SHANK2: variants seen among roughly 807,000 people sequenced by gnomAD.
SHANK2 encodes the protein SH3 and multiple ankyrin repeat domains 2, also known as SH3 and multiple ankyrin repeat domains protein 2.
SHANK2 carries 43 observed loss-of-function variants against 133.7 expected under a neutral mutation model. That is an observed-to-expected ratio of 0.32 (90% confidence interval 0.25 to 0.41). SHANK2 has a LOEUF of 0.41. Ranked by LOEUF, SHANK2 falls within the 10% of genes least tolerant of loss-of-function variation. The probability of loss-of-function intolerance (pLI) is 1.00; values close to 1 mark genes in which losing one functional copy is unlikely to be tolerated. For missense variants in SHANK2, 1,994 were observed against 2,235.8 expected, an observed-to-expected ratio of 0.89 and a Z score of 2.18; for synonymous variants, 1,017 against 952.8, an observed-to-expected ratio of 1.07 and a Z score of -1.24.
chr11:71,095,772 C>G (rs1314823039), intron 6 of SHANK2, among the ~76,000 whole-genome samples: 1 of 152,164 alleles, frequency 6.6e-6, no homozygotes, highest in Non-Finnish European at 1.5e-5. Flanking sequence ...AACATTCACC[C>G]TAGGAACCAC....
In SHANK2 at chr11:70,696,473, C is replaced by T. The variant is rs1945394696; in HGVS notation, c.1853+2215G>A. On this transcript the variant is annotated intron_variant, in intron 15 of 25. Coordinates refer to ENST00000601538, the MANE Select transcript of SHANK2 (RefSeq NM_012309.5). The stretch of plus-strand genomic sequence containing the variant: ...ACTATGACCACCTGCCCAGGGTCCA[C>T]TTCTACAGGCAGCCTTCTGCTGCTG... Among the ~76,000 whole-genome samples, 3 of 152,316 alleles carry T rather than the reference C, an allele frequency of 2.0e-5. No homozygotes were observed. In the South Asian group the frequency reaches 6.2e-4, roughly 32 times the overall value.
At chr11:70,526,593 C>T (rs541702444) in intron 17 of SHANK2, among the ~76,000 whole-genome samples, 56 of 152,326 alleles carry the variant, frequency 3.7e-4, no homozygotes, top group African/African-American at 1.1e-3. Flanking sequence ...GCTTAGCCAG[C>T]GTATCCTCAT....
chr11:70,765,893 A>G (rs564158172), intron 14 of SHANK2, among the ~76,000 whole-genome samples: 1 of 152,214 alleles, frequency 6.6e-6, no homozygotes, highest in Non-Finnish European at 1.5e-5. Flanking sequence ...ATTGGGAGGA[A>G]GTAGAGGACA....
chr11:70,645,830 C>A (rs1267380315), intron 17 of SHANK2, among the ~76,000 whole-genome samples: 1 of 151,814 alleles, frequency 6.6e-6, no homozygotes, highest in Non-Finnish European at 1.5e-5. Context: ...CCCTGCCCTG[C>A]CACAGCAGGG....
At chr11:70,800,435 C>T (rs1356136064) in intron 13 of SHANK2, among the ~76,000 whole-genome samples, 1 of 152,184 alleles carries the variant, frequency 6.6e-6, no homozygotes, top group African/African-American at 2.4e-5. Context: ...CACATCTTTA[C>T]CTTCTTTTAA....
Position 71,120,027 on chromosome 11 carries a change from A to G in SHANK2, c.208-995T>C, listed in dbSNP as rs190523208. ...CTCCTCCCAAAGGACACAGGAAAGC[A>G]ATTACGGAAAAACGATTTGATGGAA... On this transcript the variant is annotated intron_variant, in intron 3 of 25. Coordinates refer to ENST00000601538, the MANE Select transcript of SHANK2 (RefSeq NM_012309.5). 7.9e-5 allele frequency among the ~76,000 whole-genome samples: 12 copies of G among 152,330 alleles called. 2 individuals carry two copies. In the East Asian group the frequency reaches 1.4e-3, roughly 17 times the overall value.
chr11:70,708,227 G>T (rs1305256218), intron 14 of SHANK2, among the ~76,000 whole-genome samples: 1 of 101,112 alleles, frequency 9.9e-6, no homozygotes, highest in Non-Finnish European at 2.1e-5. Flanking sequence ...TGTCAAGCTG[G>T]GTGGAACCTG....
intron 1 of SHANK2, among the ~76,000 whole-genome samples, chr11:71,232,961 G>C (rs1241877163): frequency 6.6e-6 from 1 of 152,118 alleles, no homozygotes. Context: ...GCTTCAATGA[G>C]AGGCAGCAAT....
At chr11:70,536,384 G>A (rs1183822043) in intron 17 of SHANK2, among the ~76,000 whole-genome samples, 1 of 152,216 alleles carries the variant, frequency 6.6e-6, no homozygotes, top group Non-Finnish European at 1.5e-5. Context: ...GGCCGGCTCT[G>A]TAGGCTGGAG....
chr11:71,209,841 C>T (rs1443578689), intron 2 of SHANK2, among the ~76,000 whole-genome samples: 1 of 152,082 alleles, frequency 6.6e-6, no homozygotes, highest in Non-Finnish European at 1.5e-5. Context: ...GACTACATCC[C>T]AGGGGCCTGC....
At chr11:70,794,989 A>G (rs2135200018) in intron 14 of SHANK2, among the ~76,000 whole-genome samples, 1 of 152,272 alleles carries the variant, frequency 6.6e-6, no homozygotes, top group Admixed American at 6.5e-5. Flanking sequence ...ATAAAAGAAG[A>G]TAATACAAAA....
intron 11 of SHANK2, among the ~76,000 whole-genome samples, chr11:70,875,135 A>G (rs542235): frequency 1 from 152,299 of 152,302 alleles, 76,148 homozygotes; most frequent in Non-Finnish European, 1. Context: ...TATCATTGGC[A>G]ATTTTTAGAA....
chr11:70,908,163 G>T (rs771709283), intron 10 of SHANK2: 1 of 259,914 alleles, frequency 3.8e-6, no homozygotes, highest in Non-Finnish European at 7.7e-6. Flanking sequence ...TAGTGCAGCA[G>T]TGAAACAGAT....
At chr11:70,658,068 G>T (rs1555012090) in intron 17 of SHANK2, among the ~76,000 whole-genome samples, 1 of 152,082 alleles carries the variant, frequency 6.6e-6, no homozygotes, top group African/African-American at 2.4e-5. Context: ...TGCATCTGCA[G>T]CCCTCTTTTA....
At chr11:71,147,074 G>A (rs1952665744) in intron 3 of SHANK2, 46 bp downstream of exon 3, 1 of 1,482,102 alleles carries the variant, frequency 6.7e-7, no homozygotes, top group Non-Finnish European at 9.1e-7. Context: ...CAAGCCACAG[G>A]TGACATTGTC....
chr11:70,721,986 C>T (rs1946083937), intron 14 of SHANK2, among the ~76,000 whole-genome samples: 1 of 152,250 alleles, frequency 6.6e-6, no homozygotes, highest in South Asian at 2.1e-4. Context: ...GGTGTGAGTG[C>T]ACCTCATGTG....
intron 9 of SHANK2, among the ~76,000 whole-genome samples, chr11:71,074,370 C>T (rs1951191384): frequency 6.6e-6 from 1 of 152,204 alleles, no homozygotes; most frequent in South Asian, 2.1e-4. Context: ...ATGGTTTCAA[C>T]AAGCAATTTA....
intron 2 of SHANK2, among the ~76,000 whole-genome samples, chr11:71,215,089 C>T (rs550540923): frequency 1.2e-3 from 182 of 152,352 alleles, no homozygotes; most frequent in African/African-American, 3.9e-3. Flanking sequence ...ACAGCCCACA[C>T]GCTCACACCA....
At chr11:71,134,364 T>C (rs1459612031) in intron 3 of SHANK2, among the ~76,000 whole-genome samples, 1 of 151,976 alleles carries the variant, frequency 6.6e-6, no homozygotes, top group Non-Finnish European at 1.5e-5. Context: ...GGCTCACTCA[T>C]CCGTGAATTT....
Sources: gnomAD v4.1 joint callset for allele counts (sites outside exome capture counted in the v4.1 genomes callset) on GRCh38, gnomAD v4.1.1 for gene constraint, MANE v1.5 for transcripts, NCBI Gene and HGNC (gene_info 2026-07-23, HGNC 2026-07-21) for gene names.